RETREG1: variants seen among roughly 807,000 people sequenced by gnomAD.
RETREG1 encodes reticulophagy regulator 1, also known as family with sequence similarity 134 member B.
Under a neutral mutation model 54.8 loss-of-function variants are expected in RETREG1, and 44 were observed. That is an observed-to-expected ratio of 0.80 (90% CI 0.63 to 1.03). The LOEUF is 1.03. RETREG1 is among the 50% of genes least tolerant of loss of function. RETREG1 has a pLI of 0.00. For missense variants in RETREG1, 554 were observed against 605.1 expected (o/e 0.92, Z 0.89); for synonymous variants, 217 against 238.5 (o/e 0.91, Z 0.83).
intron 3 of RETREG1, among the ~76,000 whole-genome samples, chr5:16,492,171 G>T (rs913622942): frequency 3.3e-4 from 49 of 150,366 alleles, no homozygotes; most frequent in Middle Eastern, 3.5e-3. Context: ...ACTGCACCCC[G>T]CTGGAGAACA....
chr5:16,519,433 G>C (rs566689917), intron 3 of RETREG1, among the ~76,000 whole-genome samples: 21 of 152,314 alleles, frequency 1.4e-4, no homozygotes, highest in African/African-American at 5.1e-4. Context: ...TCAGGATACA[G>C]TTGTAAGCAG....
intron 3 of RETREG1, among the ~76,000 whole-genome samples, chr5:16,548,203 T>A (rs1561115671): frequency 6.6e-6 from 1 of 152,204 alleles, no homozygotes; most frequent in Admixed American, 6.5e-5. Context: ...ACGTCCATAC[T>A]CTCACCATGG....
intron 3 of RETREG1, among the ~76,000 whole-genome samples, chr5:16,540,803 G>A (rs10053236): frequency 0.85 from 129,927 of 152,210 alleles, 55,468 homozygotes; most frequent in Middle Eastern, 0.88. Context: ...TGCGAGACAT[G>A]TCATGAAGAC....
intron 3 of RETREG1, among the ~76,000 whole-genome samples, chr5:16,563,288 C>T (rs1193319973): frequency 1.3e-5 from 2 of 152,180 alleles, no homozygotes; most frequent in Admixed American, 6.5e-5. Context: ...GACAAGGTCT[C>T]GCTCTGTTGC....
chr5:16,484,045 T>C (rs962689726), intron 3 of RETREG1, among the ~76,000 whole-genome samples: 1 of 152,162 alleles, frequency 6.6e-6, no homozygotes, highest in Non-Finnish European at 1.5e-5. Context: ...ACCAACAATG[T>C]ATTTTCAATA....
intron 1 of RETREG1, among the ~76,000 whole-genome samples, chr5:16,613,088 C>A (rs528861475): frequency 1.4e-3 from 174 of 123,988 alleles, no homozygotes; most frequent in African/African-American, 5.3e-3. Context: ...GTGGATACTT[C>A]TACAAAGTAT....
At chr5:16,606,313 G>A (rs1183697255) in intron 1 of RETREG1, among the ~76,000 whole-genome samples, 1 of 152,074 alleles carries the variant, frequency 6.6e-6, no homozygotes, top group South Asian at 2.1e-4. Context: ...CCTTCTCAAG[G>A]TGCTCTTTCT....
At position 16,478,114 on chromosome 5, in the gene RETREG1, T is replaced by A. The variant is rs1475672656; in HGVS notation, c.809-16A>T. ...TTGTCTGCTTCTGTTGAGGAAAAAATTTGGAAGCTTTCAGTTTCCTAGCCA... is the reference window on the plus strand; with the variant it reads ...TTGTCTGCTTCTGTTGAGGAAAAAAATTGGAAGCTTTCAGTTTCCTAGCCA... On this transcript the variant is annotated splice_polypyrimidine_tract_variant and intron_variant, in intron 6 of 8. Coordinates refer to ENST00000306320, the MANE Select transcript of RETREG1 (RefSeq NM_001034850.3). 1.1e-5 allele frequency: 17 copies of A among 1,593,500 alleles called. No homozygotes were observed. Among genetic ancestry groups the A allele is most frequent in the Non-Finnish European group, 1.5e-5 (17 of 1,162,444 alleles).
rs139971659 is a variant in RETREG1 at position 16,533,131 on chromosome 5, G to A, written c.458+32632C>T. Among the ~76,000 whole-genome samples, 728 of 151,790 alleles carry A rather than the reference G, an allele frequency of 4.8e-3. 6 individuals carry two copies. Among genetic ancestry groups the A allele is most frequent in the African/African-American group, 0.016 (669 of 41,344 alleles). ...GCTACCTAGGCTCACTGCAAGCTCC[G>A]CCTCCCGGGTTCACGCCATTCTCCT... On this transcript the variant is annotated intron_variant, in intron 3 of 8. Coordinates refer to ENST00000306320, the MANE Select transcript of RETREG1 (RefSeq NM_001034850.3).
chr5:16,496,350 T>C (rs1298895551), intron 3 of RETREG1, among the ~76,000 whole-genome samples: 2 of 152,194 alleles, frequency 1.3e-5, no homozygotes, highest in Non-Finnish European at 2.9e-5. Context: ...CCAGGCCCTT[T>C]CCATCTCATT....
intron 3 of RETREG1, among the ~76,000 whole-genome samples, chr5:16,524,033 CCCG>C (rs1740621933): frequency 6.6e-6 from 1 of 152,164 alleles, no homozygotes; most frequent in Non-Finnish European, 1.5e-5. Context: ...CCAACCCTGC[CCCG>C]CCTTCCATCT....
chr5:16,509,630 A>AT (rs56765225), intron 3 of RETREG1, among the ~76,000 whole-genome samples: 32 of 150,574 alleles, frequency 2.1e-4, no homozygotes, highest in Middle Eastern at 3.4e-3. Context: ...AGTTGAAGCC[A>AT]TTTTTTTTTT....
At chr5:16,578,510 C>T (rs1310781643) in intron 1 of RETREG1, among the ~76,000 whole-genome samples, 2 of 152,170 alleles carry the variant, frequency 1.3e-5, no homozygotes, top group African/African-American at 4.8e-5. Context: ...TCCCCATCTG[C>T]TGGGCGTGGG....
intron 3 of RETREG1, among the ~76,000 whole-genome samples, chr5:16,531,240 A>G (rs1740906928): frequency 6.6e-6 from 1 of 152,224 alleles, no homozygotes; most frequent in Non-Finnish European, 1.5e-5. Context: ...GAGGCAAAGT[A>G]GAAACCTTGC....
At chr5:16,495,436 C>T (rs937306838) in intron 3 of RETREG1, among the ~76,000 whole-genome samples, 3 of 152,162 alleles carry the variant, frequency 2.0e-5, no homozygotes, top group African/African-American at 4.8e-5. Flanking sequence ...GGCCCAGAGG[C>T]CTAGGATGAC....
chr5:16,539,489 C>T (rs1490047636), intron 3 of RETREG1, among the ~76,000 whole-genome samples: 5 of 152,086 alleles, frequency 3.3e-5, no homozygotes, highest in Admixed American at 6.5e-5. Flanking sequence ...TCGGTCGGAG[C>T]GAGCCAGGAG....
chr5:16,595,771 A>G (rs1742882886), intron 1 of RETREG1, among the ~76,000 whole-genome samples: 1 of 152,186 alleles, frequency 6.6e-6, no homozygotes, highest in Non-Finnish European at 1.5e-5. Flanking sequence ...GGGGGCAAGA[A>G]AGGATGGTGA....
chr5:16,489,275 C>G (rs1739158438), intron 3 of RETREG1, among the ~76,000 whole-genome samples: 1 of 151,980 alleles, frequency 6.6e-6, no homozygotes, highest in African/African-American at 2.4e-5. Flanking sequence ...TTATCATGTA[C>G]CTTTGTTCCC....
At chr5:16,540,279 A>G (rs1472676658) in intron 3 of RETREG1, among the ~76,000 whole-genome samples, 1 of 152,218 alleles carries the variant, frequency 6.6e-6, no homozygotes, top group Non-Finnish European at 1.5e-5. Context: ...GGACTTGTAA[A>G]TTGCCTAACA....
Sources: allele counts gnomAD v4.1 joint callset (sites outside exome capture counted in the v4.1 genomes callset), GRCh38; gene constraint gnomAD v4.1.1; transcripts MANE v1.5; gene names NCBI Gene and HGNC (gene_info 2026-07-23, HGNC 2026-07-21).